The following BMPER variants were observed in gnomAD, a reference collection of about 807,000 sequenced individuals.
BMPER encodes BMP binding endothelial regulator, also known as BMP-binding endothelial regulator protein.
BMPER carries 45 observed loss-of-function variants against 87.3 expected under a neutral mutation model. That is an observed-to-expected ratio of 0.52 (90% CI 0.41 to 0.66). The LOEUF (loss-of-function observed/expected upper bound fraction) is 0.66, where lower values mean the gene tolerates loss of function less well. Ranked by LOEUF, BMPER falls within the 30% of genes least tolerant of loss-of-function variation. The pLI, the probability that BMPER is intolerant of heterozygous loss-of-function variation, is 0.00. For synonymous variants in BMPER, 326 were observed against 316.2 expected, an observed-to-expected ratio of 1.03 and a Z score of -0.33; for missense variants, 784 against 867.5, an observed-to-expected ratio of 0.90 and a Z score of 1.21.
intron 13 of BMPER, among the ~76,000 whole-genome samples, chr7:34,119,324 CA>C: frequency 6.6e-6 from 1 of 152,310 alleles, no homozygotes; most frequent in African/African-American, 2.4e-5. Flanking sequence ...CAAACACCAA[CA>C]TTTTTTTTAC....
intron 8 of BMPER, among the ~76,000 whole-genome samples, chr7:34,053,650 A>C (rs1424962331): frequency 6.6e-6 from 1 of 152,242 alleles, no homozygotes; most frequent in Non-Finnish European, 1.5e-5. Flanking sequence ...AAGGAAGAGA[A>C]AATATATTCA....
At chr7:33,992,716 T>C (rs1228194464) in intron 6 of BMPER, among the ~76,000 whole-genome samples, 1 of 150,962 alleles carries the variant, frequency 6.6e-6, no homozygotes, top group East Asian at 2.0e-4. Flanking sequence ...CTAGTCTCGA[T>C]GGTCTTTACA....
intron 6 of BMPER, among the ~76,000 whole-genome samples, chr7:34,045,209 G>GAAAGA (rs759035085): frequency 1.3e-5 from 2 of 152,120 alleles, no homozygotes; most frequent in Admixed American, 6.5e-5. Flanking sequence ...ATTTTCTTAA[G>GAAAGA]AAAGAAAAGA....
intron 1 of BMPER, among the ~76,000 whole-genome samples, chr7:33,905,995 A>G (rs1330398823): frequency 6.6e-6 from 1 of 152,178 alleles, no homozygotes; most frequent in Non-Finnish European, 1.5e-5. Context: ...TTGAGAAATT[A>G]TTTTATTTAT....
At chr7:33,955,356 C>T (rs545685023) in intron 3 of BMPER, among the ~76,000 whole-genome samples, 17 of 152,292 alleles carry the variant, frequency 1.1e-4, no homozygotes, top group Non-Finnish European at 2.2e-4. Flanking sequence ...TACAACGTTG[C>T]GCTGTTGAAT....
chr7:34,014,845 C>A (rs1786977650), intron 6 of BMPER, among the ~76,000 whole-genome samples: 2 of 151,868 alleles, frequency 1.3e-5, no homozygotes, highest in Admixed American at 1.3e-4. Flanking sequence ...ATCAAATGAT[C>A]CATTTTCTTT....
chr7:34,043,193 A>G (rs1002930392), intron 6 of BMPER, among the ~76,000 whole-genome samples: 2 of 152,240 alleles, frequency 1.3e-5, no homozygotes, highest in African/African-American at 4.8e-5. Context: ...ATGAGATAAT[A>G]AAGAACCGAT....
At chr7:34,001,830 C>CTAAG (rs1239562405) in intron 6 of BMPER, among the ~76,000 whole-genome samples, 3 of 151,578 alleles carry the variant, frequency 2.0e-5, no homozygotes, top group Non-Finnish European at 4.4e-5. Flanking sequence ...GCATTTCTCT[C>CTAAG]TAAGTACTAT....
intron 3 of BMPER, among the ~76,000 whole-genome samples, chr7:33,956,757 C>A (rs1785157802): frequency 6.6e-6 from 1 of 152,168 alleles, no homozygotes; most frequent in Non-Finnish European, 1.5e-5. Flanking sequence ...TTTTCTCTAG[C>A]TTACTTTAGT....
intron 12 of BMPER, among the ~76,000 whole-genome samples, chr7:34,082,150 C>A (rs1789066197): frequency 6.6e-6 from 1 of 152,072 alleles, no homozygotes; most frequent in Non-Finnish European, 1.5e-5. Context: ...TCAGCTTTAG[C>A]CTTCTGACTC....
intron 13 of BMPER, among the ~76,000 whole-genome samples, chr7:34,089,516 C>T (rs1040416491): frequency 6.6e-6 from 1 of 152,056 alleles, no homozygotes; most frequent in African/African-American, 2.4e-5. Context: ...CAGAGTCTTG[C>T]TCTGTCACCC....
At chr7:34,092,576 C>A (rs537562189) in intron 13 of BMPER, among the ~76,000 whole-genome samples, 1 of 152,296 alleles carries the variant, frequency 6.6e-6, no homozygotes, top group African/African-American at 2.4e-5. Context: ...TGGCTCTGAG[C>A]CTTCTGTCAG....
chr7:34,145,711 A>C (rs1583480654), intron 14 of BMPER, among the ~76,000 whole-genome samples: 1 of 152,178 alleles, frequency 6.6e-6, no homozygotes, highest in Non-Finnish European at 1.5e-5. Flanking sequence ...GCAGAATTCT[A>C]TTAATTTGAT....
intron 13 of BMPER, among the ~76,000 whole-genome samples, chr7:34,100,109 A>G (rs1357903691): frequency 6.6e-6 from 1 of 152,114 alleles, no homozygotes; most frequent in Non-Finnish European, 1.5e-5. Flanking sequence ...ATTAAATGCT[A>G]GGCACTGTGC....
intron 3 of BMPER, among the ~76,000 whole-genome samples, chr7:33,943,371 C>G (rs1460781070): frequency 6.6e-6 from 1 of 152,208 alleles, no homozygotes; most frequent in African/African-American, 2.4e-5. Context: ...AACAATGTGA[C>G]TTAGGAATTT....
chr7:33,986,746 T>G (rs756895287), intron 6 of BMPER, among the ~76,000 whole-genome samples: 5 of 152,130 alleles, frequency 3.3e-5, no homozygotes, highest in Non-Finnish European at 7.4e-5. Context: ...GAAATATTCA[T>G]TAATGAAAAT....
intron 11 of BMPER, among the ~76,000 whole-genome samples, chr7:34,068,926 C>T (rs954036964): frequency 1.3e-5 from 2 of 152,180 alleles, no homozygotes; most frequent in African/African-American, 4.8e-5. Flanking sequence ...TTAAAAATCT[C>T]CTAATCCAGT....
At chr7:34,068,994 G>A (rs1044569257) in intron 11 of BMPER, among the ~76,000 whole-genome samples, 1 of 152,182 alleles carries the variant, frequency 6.6e-6, no homozygotes, top group Non-Finnish European at 1.5e-5. Context: ...TAATATAGGT[G>A]TAGCATTATG....
intron 5 of BMPER, 77 bp downstream of exon 5, chr7:33,970,496 G>T (rs540517771): frequency 4.8e-6 from 7 of 1,473,010 alleles, no homozygotes; most frequent in African/African-American, 1.4e-5. Flanking sequence ...AACCCCTCTT[G>T]TTGGAAATTT....
Sources: allele counts gnomAD v4.1 joint callset (sites outside exome capture counted in the v4.1 genomes callset), GRCh38; gene constraint gnomAD v4.1.1; transcripts MANE v1.5; gene names NCBI Gene and HGNC (gene_info 2026-07-23, HGNC 2026-07-21).